Variants in NEGR1 observed in about 807,000 individuals in gnomAD.
NEGR1 encodes the protein neuronal growth regulator 1.
Under a neutral mutation model 40.9 loss-of-function variants are expected in NEGR1, and 10 were observed. The observed-to-expected ratio is 0.24, with a 90% CI of 0.15 to 0.42. The LOEUF (loss-of-function observed/expected upper bound fraction) is 0.42. NEGR1 is among the 10% of genes least tolerant of loss of function. The pLI, the probability that NEGR1 is intolerant of heterozygous loss-of-function variation, is 1.00. For synonymous variants in NEGR1, 185 were observed against 166.8 expected (o/e 1.11, Z -0.84); for missense variants, 352 against 438.9 (o/e 0.80, Z 1.77).
intron 4 of NEGR1, among the ~76,000 whole-genome samples, chr1:71,683,969 A>C (rs978073803): frequency 6.6e-6 from 1 of 152,120 alleles, no homozygotes; most frequent in Non-Finnish European, 1.5e-5. Flanking sequence ...CTGTCTGAGG[A>C]TACAAGATTT....
chr1:72,237,864 T>C (rs1437285061), intron 1 of NEGR1, among the ~76,000 whole-genome samples: 2 of 151,970 alleles, frequency 1.3e-5, no homozygotes, highest in Non-Finnish European at 2.9e-5. Flanking sequence ...TCACAAATAA[T>C]GCATATGTAC....
At chr1:71,493,537 T>C (rs1646943062) in intron 6 of NEGR1, among the ~76,000 whole-genome samples, 1 of 152,192 alleles carries the variant, frequency 6.6e-6, no homozygotes, top group Non-Finnish European at 1.5e-5. Flanking sequence ...ATTTTCTCTT[T>C]TTAAGTCTTA....
intron 2 of NEGR1, among the ~76,000 whole-genome samples, chr1:71,929,880 G>T (rs1189661353): frequency 6.6e-6 from 1 of 152,000 alleles, no homozygotes; most frequent in African/African-American, 2.4e-5. Context: ...TTCATTGAAA[G>T]GATGTTAACA....
chr1:71,576,579 T>C (rs1242523543), intron 6 of NEGR1, among the ~76,000 whole-genome samples: 2 of 152,140 alleles, frequency 1.3e-5, no homozygotes, highest in East Asian at 1.9e-4. Flanking sequence ...CACAAAGGGG[T>C]AGACTGTAGT....
At chr1:71,445,801 A>G (rs541982767) in intron 6 of NEGR1, among the ~76,000 whole-genome samples, 4 of 152,318 alleles carry the variant, frequency 2.6e-5, no homozygotes, top group South Asian at 2.1e-4. Context: ...CAATTCTGCA[A>G]TCTCAGTTAT....
At chr1:71,413,294 G>C (rs1335746619) in intron 6 of NEGR1, among the ~76,000 whole-genome samples, 1 of 152,150 alleles carries the variant, frequency 6.6e-6, no homozygotes, top group Non-Finnish European at 1.5e-5. Context: ...AATTCAGTGT[G>C]TGCTATGTGC....
chr1:71,849,085 T>G (rs1217909009), intron 2 of NEGR1, among the ~76,000 whole-genome samples: 2 of 149,344 alleles, frequency 1.3e-5, no homozygotes, highest in Non-Finnish European at 1.5e-5. Context: ...CAAGACTCTG[T>G]CTCAAAAAAA....
chr1:71,442,226 C>CTTTTTTTTTT (rs35594326), intron 6 of NEGR1, among the ~76,000 whole-genome samples: 2 of 84,970 alleles, frequency 2.4e-5, no homozygotes, highest in Non-Finnish European at 2.2e-5. Flanking sequence ...GGTAGCATTC[C>CTTTTTTTTTT]TTTTTTTTTT....
intron 1 of NEGR1, among the ~76,000 whole-genome samples, chr1:72,099,934 C>T (rs1434056915): frequency 6.6e-6 from 1 of 151,532 alleles, no homozygotes; most frequent in Non-Finnish European, 1.5e-5. Context: ...TATGTAGAAT[C>T]CAATCTTAAG....
At chr1:71,464,152 C>T (rs1014891844) in intron 6 of NEGR1, among the ~76,000 whole-genome samples, 2 of 152,002 alleles carry the variant, frequency 1.3e-5, no homozygotes, top group Non-Finnish European at 2.9e-5. Flanking sequence ...CTAGCCTCTT[C>T]ATTAAGGAAA....
chr1:72,188,597 C>A (rs1460472294), intron 1 of NEGR1, among the ~76,000 whole-genome samples: 2 of 151,402 alleles, frequency 1.3e-5, no homozygotes, highest in Non-Finnish European at 3.0e-5. Flanking sequence ...GAGTCCTTTA[C>A]AATTATTATT....
At chr1:71,641,549 A>G (rs1651352092) in intron 4 of NEGR1, among the ~76,000 whole-genome samples, 1 of 152,016 alleles carries the variant, frequency 6.6e-6, no homozygotes, top group Admixed American at 6.6e-5. Context: ...GTGAACACAG[A>G]ACCCTTGGGA....
chr1:71,488,018 C>T (rs1048036797), intron 6 of NEGR1: 1 of 151,638 alleles, frequency 6.6e-6, no homozygotes, highest in African/African-American at 2.4e-5. Flanking sequence ...AATGACATTC[C>T]CAGACTCCAT....
intron 1 of NEGR1, among the ~76,000 whole-genome samples, chr1:72,208,934 T>TA (rs1290801800): frequency 6.6e-6 from 1 of 151,590 alleles, no homozygotes; most frequent in East Asian, 1.9e-4. Flanking sequence ...ATTCATCAGT[T>TA]AAAAAAATAG....
intron 6 of NEGR1, among the ~76,000 whole-genome samples, chr1:71,526,372 TA>T (rs1557555330): frequency 6.6e-6 from 1 of 151,640 alleles, no homozygotes; most frequent in Non-Finnish European, 1.5e-5. Context: ...TTACCTTTCT[TA>T]TTACTTTTAC....
intron 2 of NEGR1, among the ~76,000 whole-genome samples, chr1:71,920,843 T>C (rs948540263): frequency 2.0e-5 from 3 of 152,140 alleles, no homozygotes; most frequent in Admixed American, 6.5e-5. Context: ...GGTAAATATA[T>C]AATCACAGCT....
intron 2 of NEGR1, among the ~76,000 whole-genome samples, chr1:71,813,908 T>G (rs888337589): frequency 1.2e-4 from 18 of 152,132 alleles, no homozygotes; most frequent in Non-Finnish European, 2.4e-4. Flanking sequence ...CCCTTCCTAT[T>G]TGAATACATT....
chr1:71,650,973 G>A (rs931928349), intron 4 of NEGR1, among the ~76,000 whole-genome samples: 10 of 151,958 alleles, frequency 6.6e-5, no homozygotes, highest in African/African-American at 1.7e-4. Context: ...ACTCAGTCTC[G>A]AAAATACTTT....
chr1:71,976,389 A>C (rs557711791), intron 1 of NEGR1, among the ~76,000 whole-genome samples: 1 of 152,260 alleles, frequency 6.6e-6, no homozygotes, highest in East Asian at 1.9e-4. Flanking sequence ...ATTACTCTGA[A>C]ATTTCAGTGC....
Sources: gnomAD v4.1 joint callset for allele counts (sites outside exome capture counted in the v4.1 genomes callset) on GRCh38, gnomAD v4.1.1 for gene constraint, MANE v1.5 for transcripts, NCBI Gene and HGNC (gene_info 2026-07-23, HGNC 2026-07-21) for gene names.